The following ACTR1A variants were observed in gnomAD, a reference collection of about 807,000 sequenced individuals.
ACTR1A encodes actin related protein 1A.
In ACTR1A, 10 loss-of-function variants were observed where a neutral mutation model predicts 50.7. The ratio of observed to expected loss-of-function variants is 0.20; its 90% CI spans 0.12 to 0.33. The LOEUF is 0.33. Ranked by LOEUF, ACTR1A falls within the 10% of genes least tolerant of loss-of-function variation. The probability of loss-of-function intolerance (pLI) is 1.00; values close to 1 mark genes in which losing one functional copy is unlikely to be tolerated. For missense variants in ACTR1A, 253 were observed against 491.7 expected (o/e 0.51, Z 4.59); for synonymous variants, 177 against 184.2 (o/e 0.96, Z 0.32).
At chr10:102,481,795 G>A in intron 9 of ACTR1A, 42 bp downstream of exon 9, 1 of 1,604,600 alleles carries the variant, frequency 6.2e-7, no homozygotes, top group Non-Finnish European at 8.5e-7. Flanking sequence ...TCTGTCCATG[G>A]AAGCCTAGTT....
chr10:102,494,427 G>A (rs151183125), intron 1 of ACTR1A, among the ~76,000 whole-genome samples: 153 of 152,274 alleles, frequency 1.0e-3, no homozygotes, highest in Non-Finnish European at 1.8e-3. Context: ...GAGCCCGGGA[G>A]GTCGAGACCA....
intron 1 of ACTR1A, among the ~76,000 whole-genome samples, chr10:102,494,276 CTT>C (rs528529548): frequency 1.1e-3 from 168 of 152,282 alleles, no homozygotes; most frequent in African/African-American, 3.8e-3. Context: ...ACGCAAATCA[CTT>C]TGAGGCCAGG....
At position 102,483,192 on chromosome 10, in the gene ACTR1A, A is replaced by G. The variant is rs1589959472; in HGVS notation, c.658-89T>C. On this transcript the variant is annotated intron_variant, in intron 6 of 10. Coordinates refer to ENST00000369905, the MANE Select transcript of ACTR1A (RefSeq NM_005736.4). Reference sequence around the variant, plus strand: ...AGGGGAGGAATGTGCTGCTGCACAAACCTGTCTAAACGTTGTGATGGCCCC... The same window carrying G: ...AGGGGAGGAATGTGCTGCTGCACAAGCCTGTCTAAACGTTGTGATGGCCCC... 9.1e-6 allele frequency: 9 copies of G among 987,046 alleles called. No homozygotes were observed. The East Asian group carries it at 2.1e-4, about 23-fold the overall frequency. 61.1% of individuals were successfully genotyped at this position (987,046 alleles called of 1,614,324 possible). A position where few individuals can be genotyped will look rare whatever the true frequency, so the allele number is the denominator to read the frequency against.
chr10:102,491,615 G>C (rs991789947), intron 1 of ACTR1A, among the ~76,000 whole-genome samples: 3 of 152,190 alleles, frequency 2.0e-5, no homozygotes, highest in Non-Finnish European at 4.4e-5. Flanking sequence ...CACTTGGTAT[G>C]TCGAGTGAGG....
chr10:102,493,864 A>G (rs927149853), intron 1 of ACTR1A, among the ~76,000 whole-genome samples: 14 of 152,246 alleles, frequency 9.2e-5, no homozygotes, highest in Admixed American at 9.2e-4. Flanking sequence ...TGACCAGCTG[A>G]AATGACAGAA....
chr10:102,494,775 T>A (rs890096939), intron 1 of ACTR1A, among the ~76,000 whole-genome samples: 2 of 152,192 alleles, frequency 1.3e-5, no homozygotes, highest in Non-Finnish European at 2.9e-5. Flanking sequence ...CTGGGCAACA[T>A]GGCAAAACGC....
intron 1 of ACTR1A, among the ~76,000 whole-genome samples, chr10:102,500,600 C>CAAACAAACAAAA (rs779479757): frequency 0.028 from 3,672 of 130,700 alleles, 337 homozygotes; most frequent in Non-Finnish European, 0.036. Context: ...AACAAACAAA[C>CAAACAAACAAAA]AAACAAAAAT....
intron 6 of ACTR1A, 133 bp downstream of exon 6, chr10:102,484,027 G>C (rs775283413): frequency 1.1e-5 from 8 of 752,540 alleles, no homozygotes; most frequent in Non-Finnish European, 1.8e-5. Context: ...GGGAGACCTG[G>C]CTGGGAAGAA....
In ACTR1A at chr10:102,488,164, T is replaced by C. The variant is rs1281140919; in HGVS notation, c.301A>G (p.Thr101Ala). Residue 101 changes from threonine to alanine, a missense_variant, in exon 4 of 11, where the codon ACT becomes GCT. Thr to Ala is a moderately conservative substitution (Grantham distance 58, BLOSUM62 0). Transcript: ENST00000369905. This position sits in a 1 kb window ranked among gnomAD's most constrained non-coding sequence, Gnocchi z 4.4. ...QYVYSKDQLQ[T>A]FSEEHPVLLT... Reference sequence around the variant, plus strand: ...AGGATCCTCACCTCCTCTGAGAAAGTCTGCAGCTGGTCCTTAGAATAGACA... The same window carrying C: ...AGGATCCTCACCTCCTCTGAGAAAGCCTGCAGCTGGTCCTTAGAATAGACA... The C allele has an allele frequency of 6.2e-7, 1 of 1,613,062 alleles. No homozygotes were observed. Among genetic ancestry groups the C allele is most frequent in the East Asian group, 2.2e-5 (1 of 44,856 alleles).
rs2135577584 is a variant in ACTR1A, at chr10:102,479,539, G to A, written c.*1324C>T. 1.7e-6 allele frequency: 2 copies of A among 1,156,114 alleles called. No individual in the cohort carries two copies. The highest frequency in any genetic ancestry group is 2.6e-5 in the South Asian group (2 of 77,004). 71.6% of individuals were successfully genotyped at this position (1,156,114 alleles called of 1,614,324 possible). ...GCTGGCCCCAGCTTTGCACCATCTA[G>A]GCTGAAGGCCTTTGGACCACTCCTA... On this transcript the variant is annotated 3_prime_UTR_variant, in exon 11 of 11. Transcript: ENST00000369905. This position sits in a 1 kb window ranked among gnomAD's most constrained non-coding sequence, Gnocchi z 4.0.
intron 1 of ACTR1A, 57 bp downstream of exon 1, chr10:102,502,543 G>A: frequency 6.3e-7 from 1 of 1,592,996 alleles, no homozygotes; most frequent in African/African-American, 1.3e-5. Context: ...CCCGGGAAGC[G>A]ATCCTTTCGA....
Position 102,482,711 on chromosome 10 carries a change from G to C in ACTR1A, c.750+300C>G. ...GTGTCCAGTCTTTTGGCTTCCCTGG[G>C]CCACATTGGAAGAAGAATTGTCTTG... On this transcript the variant is annotated intron_variant, in intron 7 of 10. Transcript: ENST00000369905. This position sits in a 1 kb window ranked among gnomAD's most constrained non-coding sequence, Gnocchi z 5.6. 2.8e-6 allele frequency: 1 copy of C among 363,040 alleles called. No homozygotes were observed. Among genetic ancestry groups the C allele is most frequent in the Non-Finnish European group, 5.1e-6 (1 of 197,710 alleles). 22.5% of individuals were successfully genotyped at this position (363,040 alleles called of 1,614,324 possible). A position where few individuals can be genotyped will look rare whatever the true frequency, so the allele number is the denominator to read the frequency against.
Position 102,492,993 on chromosome 10 carries a change from C to T in ACTR1A, c.49-2380G>A, listed in dbSNP as rs1344345361. Among the ~76,000 whole-genome samples the T allele has an allele frequency of 9.9e-5, 5 of 50,342 alleles. No homozygotes were observed. In the South Asian group the frequency reaches 3.1e-3, roughly 31 times the overall value. 33.0% of individuals were successfully genotyped at this position (50,342 alleles called of 152,430 possible). On this transcript the variant is annotated intron_variant, in intron 1 of 10. Coordinates refer to ENST00000369905, the MANE Select transcript of ACTR1A (RefSeq NM_005736.4). Reference sequence around the variant, plus strand: ...CTCTAGCCAGGGAGACAGAGTGAGACTCCACCTCAAAAAAAAAAAAAAAAA... The same window carrying T: ...CTCTAGCCAGGGAGACAGAGTGAGATTCCACCTCAAAAAAAAAAAAAAAAA...
In ACTR1A at chr10:102,488,915, C is replaced by T; in HGVS notation, c.189+148G>A. ...TCCTGGGAAAAATAAACCACCTAAGCCTAGGATGAGAGAATCAAAAAGGAG... is the reference window on the plus strand; with the variant it reads ...TCCTGGGAAAAATAAACCACCTAAGTCTAGGATGAGAGAATCAAAAAGGAG... On this transcript the variant is annotated intron_variant, in intron 3 of 10. Coordinates refer to ENST00000369905, the MANE Select transcript of ACTR1A (RefSeq NM_005736.4). This position sits in a 1 kb window ranked among gnomAD's most constrained non-coding sequence, Gnocchi z 4.4. 1 of 559,372 alleles carries T rather than the reference C, an allele frequency of 1.8e-6. No individual in the cohort carries two copies. Among genetic ancestry groups the T allele is most frequent in the African/African-American group, 1.9e-5 (1 of 51,462 alleles). The allele number at this position is 559,372 out of a possible 1,614,324, so 34.7% of individuals were successfully genotyped here. A position where few individuals can be genotyped will look rare whatever the true frequency, so the allele number is the denominator to read the frequency against.
Position 102,488,299 on chromosome 10 carries a change from C to T in ACTR1A, c.190-24G>A, listed in dbSNP as rs760911001. 12 of 1,607,550 alleles carry T rather than the reference C, an allele frequency of 7.5e-6. No individual in the cohort carries two copies. The highest frequency in any genetic ancestry group is 1.6e-4 in the Middle Eastern group (1 of 6,070). ...TCCTGGGAAAAGAGAACAGGACTTA[C>T]GACTGCAGTCAGGCTCCACCCAGGA... On this transcript the variant is annotated intron_variant, in intron 3 of 10. Transcript: ENST00000369905. This position sits in a 1 kb window ranked among gnomAD's most constrained non-coding sequence, Gnocchi z 4.4.
At chr10:102,485,556 G>A in intron 5 of ACTR1A, 53 bp downstream of exon 5, 1 of 1,607,618 alleles carries the variant, frequency 6.2e-7, no homozygotes, top group Non-Finnish European at 8.5e-7. Context: ...AGCCTCAGCT[G>A]TGCCAAAGGA....
intron 1 of ACTR1A, among the ~76,000 whole-genome samples, 156 bp from the exon 2 acceptor site, chr10:102,490,769 G>T (rs1402735265): frequency 1.3e-5 from 2 of 152,200 alleles, no homozygotes; most frequent in Non-Finnish European, 2.9e-5. Context: ...GAGGCAGGCG[G>T]ATCACTTGAG....
In ACTR1A at chr10:102,488,288, A is replaced by C. The variant is rs1364551496; in HGVS notation, c.190-13T>G. The C allele has an allele frequency of 6.2e-7, 1 of 1,612,140 alleles. No homozygotes were observed. Among genetic ancestry groups the C allele is most frequent in the South Asian group, 1.1e-5 (1 of 91,046 alleles). On this transcript the variant is annotated splice_polypyrimidine_tract_variant and intron_variant, in intron 3 of 10. Transcript: ENST00000369905. This position sits in a 1 kb window ranked among gnomAD's most constrained non-coding sequence, Gnocchi z 4.4. Reference sequence around the variant, plus strand: ...GCCCTCGGTGCTCCTGGGAAAAGAGAACAGGACTTACGACTGCAGTCAGGC... The same window carrying C: ...GCCCTCGGTGCTCCTGGGAAAAGAGCACAGGACTTACGACTGCAGTCAGGC...
Position 102,479,672 on chromosome 10 carries a change from C to A in ACTR1A, c.*1191G>T. 7.8e-7 allele frequency: 1 copy of A among 1,289,392 alleles called. No individual in the cohort carries two copies. Among genetic ancestry groups the A allele is most frequent in the Non-Finnish European group, 1.0e-6 (1 of 988,768 alleles). 79.9% of individuals were successfully genotyped at this position (1,289,392 alleles called of 1,614,324 possible). A position where few individuals can be genotyped will look rare whatever the true frequency, so the allele number is the denominator to read the frequency against. On this transcript the variant is annotated 3_prime_UTR_variant, in exon 11 of 11. Transcript: ENST00000369905. The surrounding 1 kb of genome is among the most constrained non-coding windows in gnomAD (Gnocchi z 4.0). The stretch of plus-strand genomic sequence containing the variant: ...TGGCACAAGATCAGCCCAGAGGGGG[C>A]CTTCCCACCTCTACAACCTAGTCCC...
Sources: allele counts gnomAD v4.1 joint callset (sites outside exome capture counted in the v4.1 genomes callset), GRCh38; gene constraint gnomAD v4.1.1; non-coding constraint Gnocchi (gnomAD v3.1); transcripts MANE v1.5; gene names NCBI Gene and HGNC (gene_info 2026-07-23, HGNC 2026-07-21).